CCDC110: variants seen among roughly 807,000 people sequenced by gnomAD.
The protein encoded by CCDC110 is coiled-coil domain-containing protein 110.
CCDC110 carries 70 observed loss-of-function variants against 77.1 expected under a neutral mutation model. The ratio of observed to expected loss-of-function variants is 0.91; its 90% CI spans 0.75 to 1.11. The LOEUF is 1.11. Ranked by LOEUF, CCDC110 falls within the 50% of genes least tolerant of loss-of-function variation. The pLI is 0.00. For missense variants in CCDC110, 868 were observed against 942.9 expected, an observed-to-expected ratio of 0.92 and a Z score of 1.04; for synonymous variants, 295 against 312.5, an observed-to-expected ratio of 0.94 and a Z score of 0.59.
Position 185,464,869 on chromosome 4 carries a change from C to T in CCDC110, c.116-1820G>A, listed in dbSNP as rs56323445. On this transcript the variant is annotated intron_variant, in intron 2 of 6. Transcript: ENST00000307588. ...TTTTACTACATGAGAGATATTATTT[C>T]CTAAGAGATCCCTGTAAACTAATGA... Among the ~76,000 whole-genome samples, 508 of 152,046 alleles carry T rather than the reference C, an allele frequency of 3.3e-3. 2 individuals carry two copies. Among genetic ancestry groups the T allele is most frequent in the African/African-American group, 0.012 (479 of 41,474 alleles).
intron 2 of CCDC110, among the ~76,000 whole-genome samples, chr4:185,466,331 T>C (rs750494335): frequency 9.9e-5 from 15 of 152,138 alleles, no homozygotes; most frequent in Non-Finnish European, 1.9e-4. Context: ...GCCGAGATTG[T>C]GCCACTGCAC....
In CCDC110 at chr4:185,458,680, GT is replaced by G. The variant is rs1302869801; in HGVS notation, c.1906del (p.Thr636GlnfsTer45). ...AAGGTTGAGTTTTTCATCTTTAACT[GT>G]TTCTATTATTTGAAGAAGTGTCTCT... The part of the protein sequence containing the change: ...EQETLLQIIE[T>X]VKDEKLNLET... On this transcript the variant is annotated frameshift_variant, in exon 6 of 7. Transcript: ENST00000307588. LOFTEE classifies it high-confidence loss of function. 26 of 1,603,516 alleles carry G rather than the reference GT, an allele frequency of 1.6e-5. 1 individual carries two copies. The highest frequency in any genetic ancestry group is 3.3e-4 in the Middle Eastern group (2 of 6,050).
intron 2 of CCDC110, 109 bp from the exon 3 acceptor site, chr4:185,463,158 A>G (rs2095649489): frequency 2.7e-6 from 2 of 745,970 alleles, no homozygotes; most frequent in Admixed American, 2.3e-5. Context: ...GGCAGAGATA[A>G]TGAGAACTTC....
intron 2 of CCDC110, among the ~76,000 whole-genome samples, chr4:185,467,457 C>T (rs1266241775): frequency 6.6e-6 from 1 of 152,154 alleles, no homozygotes; most frequent in Admixed American, 6.5e-5. Flanking sequence ...AACACAATCA[C>T]ACTTCACCAT....
chr4:185,458,483 C>T lies in CCDC110; in HGVS notation c.2104G>A (p.Glu702Lys). ...NSLSEIGKEC[E>K]MLSKMVMETK... ...TCCATTACCATTTTTGATAACATTT[C>T]ACATTCCTTGCCAATTTCTGACAAG... The change falls in exon 6 of 7, where the codon GAA becomes AAA. Residue 702 changes from glutamate to lysine, a missense_variant. Physicochemically the swap from Glu to Lys is moderately conservative, Grantham distance 56. Transcript: ENST00000307588. 6 of 1,603,588 alleles carry T rather than the reference C, an allele frequency of 3.7e-6. No homozygotes were observed. Among genetic ancestry groups the T allele is most frequent in the Non-Finnish European group, 5.1e-6 (6 of 1,177,034 alleles).
chr4:185,462,800 ATTAC>A, intron 3 of CCDC110, 92 bp from the exon 4 acceptor site: 1 of 1,222,388 alleles, frequency 8.2e-7, no homozygotes, highest in Middle Eastern at 1.9e-4. Context: ...AAAGTTGCCT[ATTAC>A]TTGAAAAGAT....
At chr4:185,466,342 T>C (rs970025120) in intron 2 of CCDC110, among the ~76,000 whole-genome samples, 2 of 151,990 alleles carry the variant, frequency 1.3e-5, no homozygotes, top group South Asian at 4.2e-4. Flanking sequence ...GCCACTGCAC[T>C]CCAGCCTGGG....
intron 6 of CCDC110, 168 bp downstream of exon 6, chr4:185,457,958 C>T: frequency 1.6e-6 from 1 of 614,660 alleles, no homozygotes; most frequent in Non-Finnish European, 2.5e-6. Flanking sequence ...TATATTTTAT[C>T]TAGAAAAAAT....
intron 6 of CCDC110, chr4:185,457,740 G>C: frequency 7.3e-7 from 1 of 1,366,026 alleles, no homozygotes; most frequent in Non-Finnish European, 9.6e-7. Flanking sequence ...CTTGGACAAA[G>C]GTTTTGAAAC....
intron 6 of CCDC110, among the ~76,000 whole-genome samples, chr4:185,452,777 C>T (rs113935222): frequency 1.1e-3 from 171 of 151,764 alleles, no homozygotes; most frequent in Non-Finnish European, 1.8e-3. Context: ...CAACTGTAAT[C>T]GCAGCTACTG....
chr4:185,468,472 C>CA lies in CCDC110; in HGVS notation c.115+2472dup. On this transcript the variant is annotated intron_variant, in intron 2 of 6. Coordinates refer to ENST00000307588, the MANE Select transcript of CCDC110 (RefSeq NM_152775.4). This position sits in a 1 kb window ranked among gnomAD's most constrained non-coding sequence, Gnocchi z 4.5. ...TTCTCAATTTTCTCAGAATAAATCC[C>CA]AAATTCATCCATGGAACTACAAAGC... Among the ~76,000 whole-genome samples the CA allele has an allele frequency of 6.6e-6, 1 of 152,262 alleles. No homozygotes were observed. Among genetic ancestry groups the CA allele is most frequent in the South Asian group, 2.1e-4 (1 of 4,828 alleles).
At chr4:185,454,944 C>A (rs1455541998) in intron 6 of CCDC110, among the ~76,000 whole-genome samples, 7 of 151,974 alleles carry the variant, frequency 4.6e-5, no homozygotes, top group African/African-American at 1.7e-4. Context: ...GTCTAAACTT[C>A]TTGATACTTA....
Position 185,470,979 on chromosome 4 carries a change from CGAA to C in CCDC110, c.78_80del (p.Ser27del). On this transcript the variant is annotated inframe_deletion, in exon 2 of 7. Transcript: ENST00000307588. ...TGCAGCCACTTTCCTTCACCCCCTCCGAAGAATTTAGGATCTTGGACGCTGAAA... is the reference window on the plus strand; with the variant it reads ...TGCAGCCACTTTCCTTCACCCCCTCCGAATTTAGGATCTTGGACGCTGAAA... 6.2e-7 allele frequency: 1 copy of C among 1,610,602 alleles called. No homozygotes were observed. The highest frequency in any genetic ancestry group is 8.5e-7 in the Non-Finnish European group (1 of 1,179,404).
intron 2 of CCDC110, among the ~76,000 whole-genome samples, chr4:185,465,896 G>C (rs527283160): frequency 2.4e-4 from 37 of 152,292 alleles, no homozygotes; most frequent in African/African-American, 8.7e-4. Context: ...TTTTTGGTGA[G>C]AGCAGATGGA....
intron 2 of CCDC110, chr4:185,470,590 G>C (rs2095664173): frequency 2.2e-6 from 1 of 460,350 alleles, no homozygotes; most frequent in African/African-American, 2.0e-5. Flanking sequence ...TTAGCATTCA[G>C]AGAAGCAACG....
rs2095607556 is a variant in CCDC110, at chr4:185,445,411, T to C, written c.*91A>G. 3.2e-6 allele frequency: 3 copies of C among 939,262 alleles called. No homozygotes were observed. The Admixed American group carries it at 6.8e-5, about 21-fold the overall frequency. 58.2% of individuals were successfully genotyped at this position (939,262 alleles called of 1,614,324 possible). On this transcript the variant is annotated 3_prime_UTR_variant, in exon 7 of 7. Coordinates refer to ENST00000307588, the MANE Select transcript of CCDC110 (RefSeq NM_152775.4). ...TATATAGCGCCTCATTATGAGTCAT[T>C]TGAGATGAGTTAGATATGCATAGTT... is the stretch of plus-strand genomic sequence containing the variant.
At chr4:185,446,397 G>C (rs2095611477) in intron 6 of CCDC110, among the ~76,000 whole-genome samples, 1 of 152,094 alleles carries the variant, frequency 6.6e-6, no homozygotes, top group Non-Finnish European at 1.5e-5. Context: ...GTTCATACTT[G>C]TACTACTCTT....
intron 6 of CCDC110, chr4:185,452,317 A>G (rs2095630325): frequency 1.0e-6 from 1 of 985,478 alleles, no homozygotes. Flanking sequence ...AAGCTTGCTC[A>G]GCCAGACATC....
chr4:185,466,804 T>C (rs887161671), intron 2 of CCDC110, among the ~76,000 whole-genome samples: 1 of 151,792 alleles, frequency 6.6e-6, no homozygotes, highest in Admixed American at 6.6e-5. Flanking sequence ...TGGAATCACA[T>C]AGTAGAAAGG....
Sources: gnomAD v4.1 joint callset for allele counts (sites outside exome capture counted in the v4.1 genomes callset) on GRCh38, gnomAD v4.1.1 for gene constraint, Gnocchi (gnomAD v3.1) non-coding constraint, MANE v1.5 for transcripts, NCBI Gene and HGNC (gene_info 2026-07-23, HGNC 2026-07-21) for gene names.